KIAA0825: variants seen among roughly 807,000 people sequenced by gnomAD.
KIAA0825 encodes uncharacterized protein KIAA0825.
Under a neutral mutation model 147.6 loss-of-function variants are expected in KIAA0825, and 119 were observed. That is an observed-to-expected ratio of 0.81 (90% confidence interval 0.69 to 0.94). KIAA0825 has a LOEUF of 0.94. KIAA0825 is among the 40% of genes least tolerant of loss of function. The pLI is 0.00. For synonymous variants in KIAA0825, 470 were observed against 518.1 expected, an observed-to-expected ratio of 0.91 and a Z score of 1.26; for missense variants, 1,381 against 1,472.7, an observed-to-expected ratio of 0.94 and a Z score of 1.02.
chr5:94,381,079 T>C (rs889545345), intron 20 of KIAA0825, among the ~76,000 whole-genome samples: 7 of 152,208 alleles, frequency 4.6e-5, no homozygotes, highest in African/African-American at 1.7e-4. Flanking sequence ...CCTTCCTTCT[T>C]GCTCATTTTC....
At chr5:94,342,577 T>C (rs1222104877) in intron 20 of KIAA0825, among the ~76,000 whole-genome samples, 2 of 152,098 alleles carry the variant, frequency 1.3e-5, no homozygotes, top group Non-Finnish European at 2.9e-5. Context: ...AAATGTAATC[T>C]CTCCATATAC....
chr5:94,443,418 C>T (rs1436336433), intron 13 of KIAA0825, among the ~76,000 whole-genome samples: 2 of 151,576 alleles, frequency 1.3e-5, no homozygotes, highest in African/African-American at 4.8e-5. Flanking sequence ...TGTTGAATTC[C>T]ACCGTAATAC....
At chr5:94,405,792 G>A (rs1335489741) in intron 15 of KIAA0825, among the ~76,000 whole-genome samples, 1 of 152,120 alleles carries the variant, frequency 6.6e-6, no homozygotes, top group African/African-American at 2.4e-5. Context: ...GACTAGACGG[G>A]ATGGCTTGGA....
At chr5:94,323,099 C>T (rs759241737) in intron 20 of KIAA0825, among the ~76,000 whole-genome samples, 8 of 151,774 alleles carry the variant, frequency 5.3e-5, no homozygotes, top group Non-Finnish European at 1.2e-4. Context: ...ATATGGCTTT[C>T]GAACACACGT....
At chr5:94,290,732 T>A (rs1010148595) in intron 20 of KIAA0825, among the ~76,000 whole-genome samples, 1 of 152,216 alleles carries the variant, frequency 6.6e-6, no homozygotes, top group Non-Finnish European at 1.5e-5. Flanking sequence ...ATGGTTGAAC[T>A]AATTTACACT....
intron 20 of KIAA0825, among the ~76,000 whole-genome samples, chr5:94,308,757 T>C (rs1778907590): frequency 6.6e-6 from 1 of 151,782 alleles, no homozygotes; most frequent in Non-Finnish European, 1.5e-5. Flanking sequence ...AATCAGGTGC[T>C]CAATCTTAAG....
intron 17 of KIAA0825, among the ~76,000 whole-genome samples, chr5:94,394,638 G>A (rs1467608372): frequency 1.3e-5 from 2 of 152,140 alleles, no homozygotes; most frequent in Non-Finnish European, 2.9e-5. Flanking sequence ...GCTACTAAAT[G>A]AGCAGTATCA....
intron 18 of KIAA0825, among the ~76,000 whole-genome samples, chr5:94,387,214 T>G (rs1194881888): frequency 6.6e-6 from 1 of 152,162 alleles, no homozygotes; most frequent in African/African-American, 2.4e-5. Flanking sequence ...ACAATGTAAT[T>G]TTTTTCTTTG....
intron 20 of KIAA0825, among the ~76,000 whole-genome samples, chr5:94,309,204 A>G (rs1349820362): frequency 1.3e-5 from 2 of 151,812 alleles, no homozygotes; most frequent in Admixed American, 1.3e-4. Flanking sequence ...AAAGATGCAT[A>G]AGACATAGTT....
At position 94,403,617 on chromosome 5, in the gene KIAA0825, C is replaced by T; in HGVS notation, c.2839G>A (p.Glu947Lys). ...GTTTCTTTTGGACTATAATTCCATT[C>T]CTTTGGCATGCTCTCAAGCAAACAA... is the stretch of plus-strand genomic sequence containing the variant. Reference protein sequence around the residue: ...PDCLLESMPKEWNYSPKETNR... With the variant: ...PDCLLESMPKKWNYSPKETNR... Residue 947 changes from glutamate to lysine, a missense_variant, in exon 16 of 21, where the codon GAA becomes AAA. By Grantham distance (56) the Glu-to-Lys change is moderately conservative (BLOSUM62 1). Transcript: ENST00000682413. The T allele has an allele frequency of 6.4e-7, 1 of 1,551,444 alleles. No individual in the cohort carries two copies. The highest frequency in any genetic ancestry group is 8.7e-7 in the Non-Finnish European group (1 of 1,146,884).
intron 20 of KIAA0825, among the ~76,000 whole-genome samples, chr5:94,377,903 A>G (rs1376324816): frequency 6.6e-6 from 1 of 152,156 alleles, no homozygotes; most frequent in Non-Finnish European, 1.5e-5. Flanking sequence ...TTCTACTTGC[A>G]TTTTTTGTAT....
At chr5:94,266,230 T>G (rs186310061) in intron 20 of KIAA0825, among the ~76,000 whole-genome samples, 1 of 152,346 alleles carries the variant, frequency 6.6e-6, no homozygotes, top group Admixed American at 6.5e-5. Flanking sequence ...TACCATAAAC[T>G]TTGACAGCTT....
chr5:94,515,992 T>A lies in KIAA0825; in HGVS notation c.970+4256A>T, dbSNP rs943092836. 2.6e-5 allele frequency among the ~76,000 whole-genome samples: 4 copies of A among 152,184 alleles called. No homozygotes were observed. In the East Asian group the frequency reaches 7.7e-4, roughly 29 times the overall value. On this transcript the variant is annotated intron_variant, in intron 5 of 20. Transcript: ENST00000682413. The stretch of plus-strand genomic sequence containing the variant: ...ACATTATTTCATCATTTTTTTCAGA[T>A]AACAAAACATACAAGCATTACACTT...
At chr5:94,237,168 A>G (rs1366061907) in intron 20 of KIAA0825, among the ~76,000 whole-genome samples, 3 of 152,158 alleles carry the variant, frequency 2.0e-5, no homozygotes, top group African/African-American at 7.2e-5. Context: ...CAAAAGCCAT[A>G]CCAAGTTAAA....
At chr5:94,359,164 A>C (rs2150396345) in intron 20 of KIAA0825, among the ~76,000 whole-genome samples, 1 of 152,346 alleles carries the variant, frequency 6.6e-6, no homozygotes, top group East Asian at 1.9e-4. Flanking sequence ...TCCTGGCTGC[A>C]AATTTTAATC....
At chr5:94,593,109 C>T in intron 1 of KIAA0825, 1 of 739,874 alleles carries the variant, frequency 1.4e-6, no homozygotes, top group Non-Finnish European at 2.5e-6. Flanking sequence ...TAATGAATGG[C>T]AATACCCTGG....
At chr5:94,185,578 C>A (rs796101823) in intron 20 of KIAA0825, among the ~76,000 whole-genome samples, 11 of 152,260 alleles carry the variant, frequency 7.2e-5, no homozygotes, top group African/African-American at 2.4e-4. Context: ...AGAATTACCC[C>A]TGCACTCTGG....
chr5:94,346,019 A>G (rs892732575), intron 20 of KIAA0825, among the ~76,000 whole-genome samples: 3 of 152,222 alleles, frequency 2.0e-5, no homozygotes, highest in Non-Finnish European at 4.4e-5. Flanking sequence ...TATAGATAAC[A>G]TAACTGATTA....
chr5:94,411,745 G>C (rs1007319422), intron 15 of KIAA0825, among the ~76,000 whole-genome samples: 1 of 151,884 alleles, frequency 6.6e-6, no homozygotes, highest in Admixed American at 6.6e-5. Context: ...TCAGGAGTTC[G>C]AGACCAGCCT....
Sources: gnomAD v4.1 joint callset for allele counts (sites outside exome capture counted in the v4.1 genomes callset) on GRCh38, gnomAD v4.1.1 for gene constraint, MANE v1.5 for transcripts, NCBI Gene and HGNC (gene_info 2026-07-23, HGNC 2026-07-21) for gene names.